IL1RAPL2: variants seen among roughly 807,000 people sequenced by gnomAD.
IL1RAPL2 encodes the protein X-linked interleukin-1 receptor accessory protein-like 2.
Under a neutral mutation model 44.1 loss-of-function variants are expected in IL1RAPL2, and 3 were observed. The ratio of observed to expected loss-of-function variants is 0.07; its 90% CI spans 0.03 to 0.18. The LOEUF is 0.18. Ranked by LOEUF, IL1RAPL2 falls within the 10% of genes least tolerant of loss-of-function variation. IL1RAPL2 has a pLI of 1.00. For synonymous variants in IL1RAPL2, 181 were observed against 178.8 expected (o/e 1.01, Z -0.10); for missense variants, 391 against 496.4 (o/e 0.79, Z 2.02).
intron 6 of IL1RAPL2, among the ~76,000 whole-genome samples, chrX:105,587,894 C>T (rs1017221945): frequency 1.2e-4 from 13 of 110,505 alleles, no homozygotes; most frequent in Non-Finnish European, 2.1e-4. Flanking sequence ...TAAAAAATAC[C>T]TGGGCACAGT....
chrX:104,903,703 G>A (rs748831278), intron 2 of IL1RAPL2, among the ~76,000 whole-genome samples: 47 of 110,142 alleles, frequency 4.3e-4, no homozygotes, highest in African/African-American at 1.3e-3. Flanking sequence ...TCAGCCTCCC[G>A]AGTAGCTGGG....
At chrX:104,861,775 A>T (rs1939289156) in intron 2 of IL1RAPL2, among the ~76,000 whole-genome samples, 1 of 111,774 alleles carries the variant, frequency 8.9e-6, no homozygotes, top group Non-Finnish European at 1.9e-5. Flanking sequence ...TCAATACCTA[A>T]TAAAATATAA....
chrX:105,287,159 A>AG lies in IL1RAPL2; in HGVS notation c.697+19622dup, dbSNP rs2034578371. Among the ~76,000 whole-genome samples, 3 of 111,951 alleles carry AG rather than the reference A, an allele frequency of 2.7e-5. No homozygotes were observed. In the Admixed American group the frequency reaches 2.9e-4, roughly 11 times the overall value. ...TGCATGGACTAAAATAACATGTGTT[A>AG]GGGGAATTTGACCTAATCAGTGAGA... On this transcript the variant is annotated intron_variant, in intron 5 of 10. Coordinates refer to ENST00000372582, the MANE Select transcript of IL1RAPL2 (RefSeq NM_017416.2).
intron 2 of IL1RAPL2, among the ~76,000 whole-genome samples, chrX:104,792,128 G>A (rs1044561851): frequency 6.3e-5 from 7 of 110,337 alleles, no homozygotes; most frequent in Admixed American, 1.9e-4. Context: ...CTCTTTTAGA[G>A]GGGAGGAAAC....
At chrX:105,058,012 G>C (rs1235933630) in intron 2 of IL1RAPL2, among the ~76,000 whole-genome samples, 1 of 105,038 alleles carries the variant, frequency 9.5e-6, no homozygotes, top group East Asian at 3.0e-4. Flanking sequence ...GCAGTGGTGC[G>C]ATCTCGGCTC....
intron 2 of IL1RAPL2, among the ~76,000 whole-genome samples, chrX:105,174,626 T>G (rs928174599): frequency 2.4e-4 from 27 of 111,816 alleles, no homozygotes; most frequent in African/African-American, 7.5e-4. Context: ...CCATATTGAA[T>G]GATTAAAAAA....
intron 2 of IL1RAPL2, among the ~76,000 whole-genome samples, chrX:104,830,723 A>G (rs191854500): frequency 4.0e-3 from 448 of 111,723 alleles, no homozygotes; most frequent in African/African-American, 0.014. Flanking sequence ...CTGAATTTCA[A>G]CTCCTTCTGT....
At chrX:105,617,086 A>G (rs1828069033) in intron 6 of IL1RAPL2, among the ~76,000 whole-genome samples, 1 of 110,508 alleles carries the variant, frequency 9.0e-6, no homozygotes, top group Non-Finnish European at 1.9e-5. Flanking sequence ...ACAATACTTA[A>G]TGATGTTCTT....
At chrX:105,031,364 G>C (rs1030515201) in intron 2 of IL1RAPL2, among the ~76,000 whole-genome samples, 1 of 110,023 alleles carries the variant, frequency 9.1e-6, no homozygotes, top group Non-Finnish European at 1.9e-5. Context: ...CATTCAGTAT[G>C]ATATTGGCTG....
chrX:105,274,919 G>A (rs981852411), intron 5 of IL1RAPL2, among the ~76,000 whole-genome samples: 3 of 112,067 alleles, frequency 2.7e-5, no homozygotes, highest in African/African-American at 6.5e-5. Context: ...TTTTCTAAAA[G>A]GGGGTTGGAG....
intron 2 of IL1RAPL2, among the ~76,000 whole-genome samples, chrX:104,763,611 C>A: frequency 9.0e-6 from 1 of 111,520 alleles, no homozygotes; most frequent in Non-Finnish European, 1.9e-5. Context: ...AAAGAGGAGG[C>A]CTCAGGCAAC....
intron 2 of IL1RAPL2, among the ~76,000 whole-genome samples, chrX:105,088,345 T>G (rs887038707): frequency 3.6e-5 from 4 of 112,107 alleles, no homozygotes; most frequent in Non-Finnish European, 7.5e-5. Context: ...ATTAAAGTAA[T>G]TGAAAGCACA....
chrX:105,649,700 A>T (rs977677163), intron 6 of IL1RAPL2, among the ~76,000 whole-genome samples: 3 of 111,426 alleles, frequency 2.7e-5, no homozygotes, highest in African/African-American at 9.8e-5. Context: ...TAGAAATGGA[A>T]ATGTTTAAGG....
At chrX:105,634,282 TA>T (rs1180334408) in intron 6 of IL1RAPL2, among the ~76,000 whole-genome samples, 3 of 110,954 alleles carry the variant, frequency 2.7e-5, no homozygotes, top group African/African-American at 6.5e-5. Context: ...TTGCTCTCAT[TA>T]ACTCTAAGAC....
At chrX:105,477,780 G>C (rs17342990) in intron 5 of IL1RAPL2, among the ~76,000 whole-genome samples, 1 of 111,194 alleles carries the variant, frequency 9.0e-6, no homozygotes, top group Admixed American at 9.6e-5. Flanking sequence ...GTACATCTGC[G>C]CACTTTCGGA....
intron 6 of IL1RAPL2, among the ~76,000 whole-genome samples, chrX:105,684,810 C>CA (rs1197441758): frequency 0.045 from 1 of 22 alleles, no homozygotes; most frequent in South Asian, 1. Context: ...TAGGCAGCTG[C>CA]CCTCTGGGAT....
chrX:104,819,840 A>C (rs1921250894), intron 2 of IL1RAPL2, among the ~76,000 whole-genome samples: 1 of 112,083 alleles, frequency 8.9e-6, no homozygotes, highest in African/African-American at 3.2e-5. Context: ...GCTTTTGGCT[A>C]TTATTCCTTT....
intron 2 of IL1RAPL2, among the ~76,000 whole-genome samples, chrX:105,057,668 G>A (rs1446573904): frequency 2.7e-5 from 3 of 111,932 alleles, no homozygotes; most frequent in African/African-American, 6.5e-5. Flanking sequence ...GTTCATCTTT[G>A]TATCTCTACC....
chrX:105,441,080 T>G (rs2035917501), intron 5 of IL1RAPL2, among the ~76,000 whole-genome samples: 1 of 111,871 alleles, frequency 8.9e-6, no homozygotes, highest in Admixed American at 9.5e-5. Flanking sequence ...GAGAACAGAC[T>G]AATACAATCA....
Sources: gnomAD v4.1 joint callset for allele counts (sites outside exome capture counted in the v4.1 genomes callset) on GRCh38, gnomAD v4.1.1 for gene constraint, MANE v1.5 for transcripts, NCBI Gene and HGNC (gene_info 2026-07-23, HGNC 2026-07-21) for gene names.